EXOC4: variants seen among roughly 807,000 people sequenced by gnomAD.
The protein encoded by EXOC4 is exocyst complex component 4, also known as SEC8-like 1.
EXOC4 carries 71 observed loss-of-function variants against 107.2 expected under a neutral mutation model. That is an observed-to-expected ratio of 0.66 (90% CI 0.55 to 0.81). EXOC4 has a LOEUF of 0.81. Ranked by LOEUF, EXOC4 falls within the 30% of genes least tolerant of loss-of-function variation. The probability of loss-of-function intolerance (pLI) is 0.00; values close to 1 mark genes in which losing one functional copy is unlikely to be tolerated. For missense variants in EXOC4, 1,108 were observed against 1,189.6 expected (o/e 0.93, Z 1.01); for synonymous variants, 456 against 441.2 (o/e 1.03, Z -0.42).
At chr7:133,911,138 A>G (rs1199848031) in intron 12 of EXOC4, among the ~76,000 whole-genome samples, 3 of 152,144 alleles carry the variant, frequency 2.0e-5, no homozygotes, top group Non-Finnish European at 4.4e-5. Flanking sequence ...AAATAGTTAC[A>G]CAGTTGGCTC....
At chr7:133,526,615 G>T (rs1240676118) in intron 9 of EXOC4, among the ~76,000 whole-genome samples, 1 of 152,154 alleles carries the variant, frequency 6.6e-6, no homozygotes, top group African/African-American at 2.4e-5. Context: ...ATGTCCCTGG[G>T]CCCAGTAGAG....
chr7:133,299,953 A>C (rs1794607105), intron 3 of EXOC4, among the ~76,000 whole-genome samples: 1 of 152,162 alleles, frequency 6.6e-6, no homozygotes, highest in African/African-American at 2.4e-5. Context: ...AACTAATAAC[A>C]ACCCCTCATT....
chr7:133,759,814 A>G (rs571877010), intron 10 of EXOC4, among the ~76,000 whole-genome samples: 36 of 152,298 alleles, frequency 2.4e-4, no homozygotes, highest in Admixed American at 6.5e-4. Context: ...GGGGGTGGTC[A>G]GAGTTTAGGA....
At chr7:133,254,756 C>T (rs1444754235) in intron 1 of EXOC4, among the ~76,000 whole-genome samples, 4 of 152,080 alleles carry the variant, frequency 2.6e-5, no homozygotes, top group East Asian at 3.8e-4. Flanking sequence ...CATAAGACTA[C>T]GAGAGAGACA....
chr7:133,835,393 A>T (rs1209869191), intron 11 of EXOC4, among the ~76,000 whole-genome samples: 1 of 152,196 alleles, frequency 6.6e-6, no homozygotes, highest in Non-Finnish European at 1.5e-5. Flanking sequence ...TAAGATGTAC[A>T]TTGGTTTGGT....
chr7:133,298,674 A>G (rs1267323700), intron 3 of EXOC4, among the ~76,000 whole-genome samples: 1 of 152,196 alleles, frequency 6.6e-6, no homozygotes, highest in Non-Finnish European at 1.5e-5. Context: ...TCAGGAAGGT[A>G]ATTGTGAACA....
At chr7:133,417,983 T>C (rs1278204322) in intron 7 of EXOC4, among the ~76,000 whole-genome samples, 1 of 152,220 alleles carries the variant, frequency 6.6e-6, no homozygotes, top group Non-Finnish European at 1.5e-5. Context: ...GTCTCTTCCA[T>C]GTTTTACTAA....
intron 7 of EXOC4, among the ~76,000 whole-genome samples, chr7:133,407,503 G>T (rs1233448259): frequency 1.3e-5 from 2 of 152,032 alleles, no homozygotes; most frequent in Non-Finnish European, 2.9e-5. Context: ...TCTACGATTG[G>T]GTATAGAGGT....
At chr7:134,029,825 GC>G (rs1175521342) in intron 17 of EXOC4, among the ~76,000 whole-genome samples, 1 of 152,120 alleles carries the variant, frequency 6.6e-6, no homozygotes, top group Non-Finnish European at 1.5e-5. Flanking sequence ...CTGGCTGGTG[GC>G]CCTTTTAAAG....
At chr7:133,654,590 G>A (rs17167210) in intron 10 of EXOC4, among the ~76,000 whole-genome samples, 62,844 of 151,822 alleles carry the variant, frequency 0.41, 13,857 homozygotes, top group Admixed American at 0.55. Flanking sequence ...AAACTGAAGG[G>A]TATGGTTGTA....
intron 3 of EXOC4, among the ~76,000 whole-genome samples, chr7:133,299,289 C>G (rs1290193570): frequency 2.6e-5 from 4 of 151,894 alleles, no homozygotes; most frequent in African/African-American, 9.7e-5. Flanking sequence ...GTCTTGAAAA[C>G]CTTTAAAGGT....
chr7:133,838,767 T>C (rs377251436), intron 11 of EXOC4, among the ~76,000 whole-genome samples: 1 of 152,166 alleles, frequency 6.6e-6, no homozygotes, highest in Non-Finnish European at 1.5e-5. Flanking sequence ...TTTTCAGCCT[T>C]GTGGTTTATA....
At chr7:133,735,995 T>C (rs535408895) in intron 10 of EXOC4, among the ~76,000 whole-genome samples, 1 of 151,920 alleles carries the variant, frequency 6.6e-6, no homozygotes, top group East Asian at 1.9e-4. Flanking sequence ...GAGGCTGAGG[T>C]GGAGGATTGC....
At chr7:133,910,119 G>T (rs543109648) in intron 12 of EXOC4, among the ~76,000 whole-genome samples, 1 of 151,792 alleles carries the variant, frequency 6.6e-6, no homozygotes, top group African/African-American at 2.4e-5. Context: ...ACAGGGTTTC[G>T]CCATGTTGGC....
chr7:133,375,528 AAGC>A (rs1796470256), intron 7 of EXOC4, among the ~76,000 whole-genome samples: 1 of 152,092 alleles, frequency 6.6e-6, no homozygotes, highest in African/African-American at 2.4e-5. Flanking sequence ...TTAAAAATAG[AAGC>A]ATATTCTCAA....
At chr7:133,337,672 C>T (rs1388661449) in intron 5 of EXOC4, among the ~76,000 whole-genome samples, 3 of 141,816 alleles carry the variant, frequency 2.1e-5, no homozygotes, top group African/African-American at 2.7e-5. Context: ...CTTGCTCTGT[C>T]GCCCAGGCTG....
chr7:133,675,023 T>G (rs1279480275), intron 10 of EXOC4, among the ~76,000 whole-genome samples: 1 of 152,232 alleles, frequency 6.6e-6, no homozygotes, highest in Non-Finnish European at 1.5e-5. Flanking sequence ...ATACAAAGTC[T>G]AAATTGGCAA....
chr7:133,549,622 A>G (rs184355561), intron 9 of EXOC4, among the ~76,000 whole-genome samples: 50 of 152,330 alleles, frequency 3.3e-4, no homozygotes, highest in African/African-American at 1.2e-3. Flanking sequence ...ATACAGAGAC[A>G]TAAAGTGAAC....
chr7:133,959,508 T>G (rs2953632), intron 14 of EXOC4, among the ~76,000 whole-genome samples: 8 of 150,962 alleles, frequency 5.3e-5, no homozygotes, highest in African/African-American at 1.5e-4. Context: ...TAACTGAATT[T>G]TAGGTCTACA....
Sources: allele counts gnomAD v4.1 joint callset (sites outside exome capture counted in the v4.1 genomes callset), GRCh38; gene constraint gnomAD v4.1.1; transcripts MANE v1.5; gene names NCBI Gene and HGNC (gene_info 2026-07-23, HGNC 2026-07-21).